BNC2: variants seen among roughly 807,000 people sequenced by gnomAD.
BNC2 encodes basonuclin zinc finger protein 2, also known as zinc finger protein basonuclin-2.
BNC2 carries 20 observed loss-of-function variants against 76.3 expected under a neutral mutation model. That is an observed-to-expected ratio of 0.26 (90% confidence interval 0.18 to 0.38). The LOEUF is 0.38. Ranked by LOEUF, BNC2 falls within the 10% of genes least tolerant of loss-of-function variation. The pLI is 1.00. For missense variants in BNC2, 1,382 were observed against 1,399.8 expected (o/e 0.99, Z 0.20); for synonymous variants, 582 against 514.8 (o/e 1.13, Z -1.77).
At chr9:16,684,553 A>T (rs1479836405) in intron 3 of BNC2, among the ~76,000 whole-genome samples, 1 of 152,150 alleles carries the variant, frequency 6.6e-6, no homozygotes, top group Non-Finnish European at 1.5e-5. Flanking sequence ...TCCATTTTTT[A>T]AATGGTTCTC....
intron 1 of BNC2, among the ~76,000 whole-genome samples, chr9:16,747,924 C>A (rs1317029997): frequency 6.6e-6 from 1 of 152,088 alleles, no homozygotes; most frequent in African/African-American, 2.4e-5. Context: ...AATTGTTTGC[C>A]TAACATTTGC....
intron 5 of BNC2, among the ~76,000 whole-genome samples, chr9:16,449,928 G>T (rs544736342): frequency 5.9e-5 from 9 of 152,184 alleles, no homozygotes; most frequent in Admixed American, 2.0e-4. Context: ...TGGCATTCTG[G>T]AAGTATTTTC....
At chr9:16,558,507 T>C (rs1452635926) in intron 4 of BNC2, among the ~76,000 whole-genome samples, 1 of 152,194 alleles carries the variant, frequency 6.6e-6, no homozygotes, top group Non-Finnish European at 1.5e-5. Context: ...TGTATTTCCT[T>C]GTCCCTCCAC....
chr9:16,509,416 T>G (rs377603043), intron 5 of BNC2, among the ~76,000 whole-genome samples: 1 of 152,164 alleles, frequency 6.6e-6, no homozygotes, highest in East Asian at 1.9e-4. Context: ...CTGTTGGGAG[T>G]AAGGACCTTG....
chr9:16,533,705 C>T (rs1460275910), intron 5 of BNC2, among the ~76,000 whole-genome samples: 1 of 152,140 alleles, frequency 6.6e-6, no homozygotes, highest in Non-Finnish European at 1.5e-5. Flanking sequence ...ACAAACATTA[C>T]ATTTTTCAAC....
At chr9:16,723,358 G>A (rs1196276097) in intron 3 of BNC2, among the ~76,000 whole-genome samples, 2 of 152,042 alleles carry the variant, frequency 1.3e-5, no homozygotes, top group Non-Finnish European at 2.9e-5. Context: ...ATGTCTATTT[G>A]AGTGGGACAG....
chr9:16,495,532 G>C (rs28620543), intron 5 of BNC2, among the ~76,000 whole-genome samples: 11 of 152,196 alleles, frequency 7.2e-5, no homozygotes, highest in African/African-American at 2.7e-4. Context: ...CGGTCCTTCT[G>C]GGGACAGGGT....
intron 1 of BNC2, among the ~76,000 whole-genome samples, chr9:16,822,379 T>A (rs909659938): frequency 6.6e-6 from 1 of 152,134 alleles, no homozygotes. Flanking sequence ...GTTAAGAGAC[T>A]TGCCCACGGT....
intron 3 of BNC2, among the ~76,000 whole-genome samples, chr9:16,614,265 T>C (rs1820633082): frequency 2.0e-5 from 3 of 151,088 alleles, no homozygotes. Flanking sequence ...CTTAGAAATC[T>C]TTCTATAATA....
At chr9:16,718,465 T>G (rs1021138442) in intron 3 of BNC2, among the ~76,000 whole-genome samples, 1 of 152,214 alleles carries the variant, frequency 6.6e-6, no homozygotes, top group African/African-American at 2.4e-5. Context: ...CTTTCCAAAG[T>G]TGTCCAAGAG....
Position 16,467,844 on chromosome 9 carries a change from A to T in BNC2, c.670-30320T>A, listed in dbSNP as rs1449517629. On this transcript the variant is annotated intron_variant, in intron 5 of 6. Transcript: ENST00000380672. ...ACTTAGAGTATAATAAAAAAAAAAA[A>T]TTAAAAAAAAAAAAATGCCATCTTC... 8.2e-3 allele frequency among the ~76,000 whole-genome samples: 1,181 copies of T among 143,988 alleles called. 14 individuals are homozygous for T. Among genetic ancestry groups the T allele is most frequent in the African/African-American group, 0.032 (1,100 of 34,870 alleles). The allele number at this position is 143,988 out of a possible 152,430, so 94.5% of individuals were successfully genotyped here. A position where few individuals can be genotyped will look rare whatever the true frequency, so the allele number is the denominator to read the frequency against.
rs780872323 is a variant in BNC2 at position 16,419,237 on chromosome 9, C to T, written c.3052G>A (p.Glu1018Lys). ...APALPGSLGAEVSGSLMFSSL... is the reference protein window; with the variant it reads ...APALPGSLGAKVSGSLMFSSL... The stretch of plus-strand genomic sequence containing the variant: ...CTGAACATAAGAGATCCTGAAACTT[C>T]AGCCCCTAGGCTGCCAGGGAGGGCA... The change falls in exon 7 of 7, where the codon GAA becomes AAA. Residue 1018 changes from glutamate to lysine, a missense_variant. This residue lies in a region of BNC2 where 798 missense variants were observed against 775.5 expected (regional missense o/e 1.03). Coordinates refer to ENST00000380672, the MANE Select transcript of BNC2 (RefSeq NM_017637.6). The T allele has an allele frequency of 1.9e-6, 3 of 1,614,212 alleles. No individual in the cohort carries two copies. In the East Asian group the frequency reaches 6.7e-5, roughly 36 times the overall value.
chr9:16,802,431 C>A (rs1356586428), intron 1 of BNC2, among the ~76,000 whole-genome samples: 1 of 152,204 alleles, frequency 6.6e-6, no homozygotes, highest in East Asian at 1.9e-4. Flanking sequence ...CGTGCCCATT[C>A]ACTGGTGCTA....
intron 1 of BNC2, among the ~76,000 whole-genome samples, chr9:16,836,760 T>C (rs969632970): frequency 1.3e-5 from 2 of 151,130 alleles, no homozygotes; most frequent in African/African-American, 4.9e-5. Context: ...CTAATAATAC[T>C]TTTTTTTTCA....
intron 3 of BNC2, among the ~76,000 whole-genome samples, chr9:16,706,625 G>C (rs1419275998): frequency 3.3e-5 from 5 of 152,146 alleles, no homozygotes; most frequent in African/African-American, 1.2e-4. Context: ...CTCCTTAGTA[G>C]CTGGAATTAG....
In BNC2 at chr9:16,769,698, C is replaced by T. The variant is rs543375195; in HGVS notation, c.4-31213G>A. Reference sequence around the variant, plus strand: ...AAAATGAGGTAAGTAGTCTCCAAGTCGCCAGCTTAATGTAAAGAGCAAATG... The same window carrying T: ...AAAATGAGGTAAGTAGTCTCCAAGTTGCCAGCTTAATGTAAAGAGCAAATG... On this transcript the variant is annotated intron_variant, in intron 1 of 6. Coordinates refer to ENST00000380672, the MANE Select transcript of BNC2 (RefSeq NM_017637.6). 3.9e-5 allele frequency among the ~76,000 whole-genome samples: 6 copies of T among 152,262 alleles called. No homozygotes were observed. In the South Asian group the frequency reaches 8.3e-4, roughly 21 times the overall value.
chr9:16,494,265 G>T (rs765329275), intron 5 of BNC2, among the ~76,000 whole-genome samples: 10 of 152,076 alleles, frequency 6.6e-5, no homozygotes, highest in African/African-American at 2.4e-4. Flanking sequence ...CGATTCTCCT[G>T]TCTCAGCCTC....
intron 3 of BNC2, among the ~76,000 whole-genome samples, chr9:16,680,049 T>C (rs138921956): frequency 1.7e-3 from 266 of 152,318 alleles, no homozygotes; most frequent in Non-Finnish European, 2.8e-3. Flanking sequence ...CATCTTCTTT[T>C]TAAGGGTAAA....
intron 5 of BNC2, among the ~76,000 whole-genome samples, chr9:16,529,979 C>G (rs1817926028): frequency 6.6e-6 from 1 of 152,170 alleles, no homozygotes; most frequent in African/African-American, 2.4e-5. Flanking sequence ...TTCTGAGTAG[C>G]TGGGATTACA....
Sources: gnomAD v4.1 joint callset for allele counts (sites outside exome capture counted in the v4.1 genomes callset) on GRCh38, gnomAD v4.1.1 for gene constraint, gnomAD v4.1.1 regional missense constraint, MANE v1.5 for transcripts, NCBI Gene and HGNC (gene_info 2026-07-23, HGNC 2026-07-21) for gene names.